CHD7: variants seen among roughly 807,000 people sequenced by gnomAD.
The protein encoded by CHD7 is chromodomain helicase DNA binding protein 7.
A neutral mutation model predicts 307.3 loss-of-function variants in CHD7; 24 were observed. The observed-to-expected ratio is 0.08, with a 90% CI of 0.06 to 0.11. CHD7 has a LOEUF of 0.11. CHD7 is among the 10% of genes least tolerant of loss of function. The pLI is 1.00. For synonymous variants in CHD7, 1,363 were observed against 1,349.9 expected, an observed-to-expected ratio of 1.01 and a Z score of -0.21; for missense variants, 3,106 against 3,727.1, an observed-to-expected ratio of 0.83 and a Z score of 4.34.
rs148163871 is a variant in CHD7 at position 60,805,996 on chromosome 8, C to G, written c.2443-2221C>G. 1.8e-3 allele frequency among the ~76,000 whole-genome samples: 275 copies of G among 152,232 alleles called. 1 individual carries two copies. Among genetic ancestry groups the G allele is most frequent in the Middle Eastern group, 6.8e-3 (2 of 294 alleles). ...AAAGGATCTAGTTTCATCCTTGCTTCTCTTTTTCCCTGATCATCTACCATC... is the reference window on the plus strand; with the variant it reads ...AAAGGATCTAGTTTCATCCTTGCTTGTCTTTTTCCCTGATCATCTACCATC... On this transcript the variant is annotated intron_variant, in intron 6 of 37. Transcript: ENST00000423902.
intron 6 of CHD7, 108 bp from the exon 7 acceptor site, chr8:60,808,109 G>A: frequency 1.3e-6 from 1 of 785,472 alleles, no homozygotes; most frequent in Non-Finnish European, 2.1e-6. Context: ...AAGGTCCTTT[G>A]CTGCTCTTTT....
intron 35 of CHD7, chr8:60,861,419 A>G: frequency 3.3e-6 from 1 of 307,220 alleles, no homozygotes; most frequent in Non-Finnish European, 6.0e-6. Flanking sequence ...TTTCCATGGC[A>G]TCGTTTCCAG....
intron 13 of CHD7, among the ~76,000 whole-genome samples, chr8:60,826,637 G>A (rs1175876439): frequency 6.6e-6 from 1 of 152,202 alleles, no homozygotes; most frequent in Non-Finnish European, 1.5e-5. Context: ...ACCAATGAGT[G>A]TCTTCAGCTC....
chr8:60,833,118 T>C (rs1010093627), intron 15 of CHD7, among the ~76,000 whole-genome samples: 2 of 152,214 alleles, frequency 1.3e-5, no homozygotes, highest in Non-Finnish European at 2.9e-5. Context: ...TAAAAACATA[T>C]ATCCAGCATT....
intron 37 of CHD7, chr8:60,862,943 A>C: frequency 2.9e-6 from 1 of 348,004 alleles, no homozygotes; most frequent in Non-Finnish European, 5.2e-6. Flanking sequence ...TTAACAGCTC[A>C]CCTGTGGAAT....
intron 2 of CHD7, among the ~76,000 whole-genome samples, chr8:60,761,482 T>TA (rs1025366049): frequency 3.9e-4 from 60 of 151,976 alleles, no homozygotes; most frequent in African/African-American, 1.4e-3. Context: ...CCCTAAAACT[T>TA]AAAGTATAAT....
At chr8:60,779,921 T>C (rs1391535734) in intron 2 of CHD7, among the ~76,000 whole-genome samples, 5 of 152,170 alleles carry the variant, frequency 3.3e-5, no homozygotes, top group African/African-American at 4.8e-5. Context: ...GGTGTGAGGA[T>C]TGAATGGTAC....
intron 1 of CHD7, among the ~76,000 whole-genome samples, chr8:60,683,811 C>T (rs1241493295): frequency 6.6e-6 from 1 of 152,114 alleles, no homozygotes; most frequent in African/African-American, 2.4e-5. Context: ...CATGTTCTGA[C>T]TCAAAGGTAC....
In CHD7 at chr8:60,762,801, G is replaced by A. The variant is rs530297121; in HGVS notation, c.1666-18199G>A. The stretch of plus-strand genomic sequence containing the variant: ...GTGTGGGCACATACATTCTATAGGT[G>A]CTTGTTGAATGTGTGATATGCTAGG... On this transcript the variant is annotated intron_variant, in intron 2 of 37. Transcript: ENST00000423902. Among the ~76,000 whole-genome samples, 6 of 152,282 alleles carry A rather than the reference G, an allele frequency of 3.9e-5. No homozygotes were observed. In the East Asian group the frequency reaches 9.6e-4, roughly 24 times the overall value.
chr8:60,801,230 G>A (rs920111589), intron 5 of CHD7, among the ~76,000 whole-genome samples: 16 of 152,204 alleles, frequency 1.1e-4, no homozygotes, highest in Middle Eastern at 3.4e-3. Context: ...GACTGCTAAC[G>A]TGCAGAGATT....
At chr8:60,764,630 T>C (rs1022874757) in intron 2 of CHD7, among the ~76,000 whole-genome samples, 9 of 152,214 alleles carry the variant, frequency 5.9e-5, no homozygotes, top group Admixed American at 5.2e-4. Context: ...AGCCATTCAT[T>C]CATTCATTCA....
At chr8:60,770,544 T>TA (rs1480812809) in intron 2 of CHD7, among the ~76,000 whole-genome samples, 3 of 152,248 alleles carry the variant, frequency 2.0e-5, no homozygotes, top group Non-Finnish European at 2.9e-5. Context: ...CTCTAAGTGT[T>TA]AAACTGACTG....
intron 2 of CHD7, among the ~76,000 whole-genome samples, chr8:60,773,084 T>C (rs934945338): frequency 2.6e-5 from 4 of 152,178 alleles, no homozygotes; most frequent in Admixed American, 1.3e-4. Context: ...AGGGTTATTA[T>C]AGGAATCCAA....
intron 2 of CHD7, among the ~76,000 whole-genome samples, chr8:60,765,815 AT>A (rs1014459119): frequency 3.2e-4 from 48 of 152,324 alleles, no homozygotes; most frequent in African/African-American, 1.2e-3. Flanking sequence ...TTTTAGAATG[AT>A]CTTGCTAAAA....
intron 13 of CHD7, among the ~76,000 whole-genome samples, chr8:60,826,251 C>T (rs1050967935): frequency 1.3e-4 from 20 of 152,140 alleles, no homozygotes; most frequent in African/African-American, 4.6e-4. Context: ...CTGTACTCAT[C>T]CTTGACTCAC....
At chr8:60,837,552 A>C in intron 17 of CHD7, 116 bp from the exon 18 acceptor site, 1 of 883,244 alleles carries the variant, frequency 1.1e-6, no homozygotes, top group Non-Finnish European at 1.7e-6. Flanking sequence ...TTACTTCCCT[A>C]AGGCGCCACC....
chr8:60,796,180 G>A (rs1812024078), intron 4 of CHD7, among the ~76,000 whole-genome samples: 1 of 152,182 alleles, frequency 6.6e-6, no homozygotes, highest in African/African-American at 2.4e-5. Flanking sequence ...GAATGAATAT[G>A]TTTTGGTTTA....
chr8:60,756,647 A>G (rs914236877), intron 2 of CHD7, among the ~76,000 whole-genome samples: 4 of 152,200 alleles, frequency 2.6e-5, no homozygotes, highest in African/African-American at 9.6e-5. Context: ...ACCTGTGAAT[A>G]GCCACTGCAC....
rs779381935 is a variant in CHD7, at chr8:60,865,128, C to T, written c.8189C>T (p.Ala2730Val). ...RPKSEIARAA[A>V]AAAAVASTSG... ...AAAAGTGAGATCGCCAGAGCAGCCGCGGCCGCCGCTGCTGTGGCCTCCACG... is the reference window on the plus strand; with the variant it reads ...AAAAGTGAGATCGCCAGAGCAGCCGTGGCCGCCGCTGCTGTGGCCTCCACG... Residue 2730 changes from alanine to valine, a missense_variant, in exon 38 of 38, where the codon GCG (alanine) becomes GTG (valine). By Grantham distance (64) the Ala-to-Val change is moderately conservative. Coordinates refer to ENST00000423902, the MANE Select transcript of CHD7 (RefSeq NM_017780.4). The surrounding 1 kb of genome is among the most constrained non-coding windows in gnomAD (Gnocchi z 4.3). 14 of 1,610,790 alleles carry T rather than the reference C, an allele frequency of 8.7e-6. No homozygotes were observed. The East Asian group carries it at 8.9e-5, about 10-fold the overall frequency.
Sources: allele counts gnomAD v4.1 joint callset (sites outside exome capture counted in the v4.1 genomes callset), GRCh38; gene constraint gnomAD v4.1.1; non-coding constraint Gnocchi (gnomAD v3.1); transcripts MANE v1.5; gene names NCBI Gene and HGNC (gene_info 2026-07-23, HGNC 2026-07-21).